Variants in EFR3A observed in about 807,000 individuals in gnomAD.
The protein encoded by EFR3A is protein EFR3 homolog A.
A neutral mutation model predicts 104.4 loss-of-function variants in EFR3A; 76 were observed. The observed-to-expected ratio is 0.73, with a 90% confidence interval of 0.60 to 0.88. EFR3A has a LOEUF of 0.88. EFR3A is among the 40% of genes least tolerant of loss of function. The pLI is 0.00. For synonymous variants in EFR3A, 330 were observed against 330.0 expected (o/e 1.00, Z 0.00); for missense variants, 985 against 1,012.5 (o/e 0.97, Z 0.37).
At chr8:131,904,421 G>A in intron 1 of EFR3A, 99 bp downstream of exon 1, 1 of 1,120,726 alleles carries the variant, frequency 8.9e-7, no homozygotes, top group South Asian at 4.3e-5. Flanking sequence ...AGGCTGGGCC[G>A]CGCTGAGCAG....
rs868354915 is a variant in EFR3A, at chr8:131,943,914, A to C, written c.88-831A>C. On this transcript the variant is annotated intron_variant, in intron 2 of 22. Transcript: ENST00000254624. ...GAGAGGAGAGAGGCACCAAAGTAGC[A>C]AGTTTGAGGAAAACGGAGTAGGTAC... 3.1e-4 allele frequency among the ~76,000 whole-genome samples: 47 copies of C among 152,208 alleles called. 1 individual carries two copies. Among genetic ancestry groups the C allele is most frequent in the African/African-American group, 1.1e-3 (47 of 41,556 alleles).
intron 1 of EFR3A, among the ~76,000 whole-genome samples, chr8:131,935,987 C>T (rs1375078805): frequency 6.6e-6 from 1 of 151,952 alleles, no homozygotes; most frequent in Non-Finnish European, 1.5e-5. Context: ...TCCCAGTATT[C>T]AGAATTCTCC....
chr8:131,997,940 A>G (rs148084864), intron 19 of EFR3A, among the ~76,000 whole-genome samples: 18 of 152,242 alleles, frequency 1.2e-4, no homozygotes, highest in African/African-American at 4.1e-4. Context: ...TGTAGGGGAA[A>G]GATTCTTGAC....
At chr8:131,953,758 C>A in intron 5 of EFR3A, 60 bp from the exon 6 acceptor site, 2 of 1,406,172 alleles carry the variant, frequency 1.4e-6, no homozygotes, top group East Asian at 2.5e-5. Context: ...GCTACGCAAA[C>A]AGTCTTGTTT....
At chr8:131,961,529 C>T (rs1277864432) in intron 8 of EFR3A, among the ~76,000 whole-genome samples, 2 of 152,090 alleles carry the variant, frequency 1.3e-5, no homozygotes, top group African/African-American at 4.8e-5. Context: ...TAAAAAGAAA[C>T]ACACAAAGCC....
chr8:131,935,507 T>C lies in EFR3A; in HGVS notation c.11-4992T>C, dbSNP rs758339280. ...AATCGTAGGCACTGTCATTTAAAAG[T>C]ATGAAATCTAGTGAGCCATACATAT... On this transcript the variant is annotated intron_variant, in intron 1 of 22. Coordinates refer to ENST00000254624, the MANE Select transcript of EFR3A (RefSeq NM_015137.6). 4.6e-4 allele frequency: 208 copies of C among 448,468 alleles called. 1 individual carries two copies. Among genetic ancestry groups the C allele is most frequent in the Admixed American group, 7.8e-4 (32 of 41,240 alleles). The allele number at this position is 448,468 out of a possible 1,614,324, so 27.8% of individuals were successfully genotyped here.
At chr8:131,920,035 A>G (rs1192925213) in intron 1 of EFR3A, among the ~76,000 whole-genome samples, 1 of 152,190 alleles carries the variant, frequency 6.6e-6, no homozygotes, top group African/African-American at 2.4e-5. Context: ...TTAGTTTTAC[A>G]AAATAAAAAG....
intron 1 of EFR3A, among the ~76,000 whole-genome samples, chr8:131,938,935 T>G (rs895778577): frequency 6.6e-6 from 1 of 152,158 alleles, no homozygotes; most frequent in Non-Finnish European, 1.5e-5. Flanking sequence ...ACACGTCATC[T>G]TCAGAAAATG....
At chr8:131,979,180 A>G (rs1482594014) in intron 13 of EFR3A, among the ~76,000 whole-genome samples, 161 bp downstream of exon 13, 1 of 152,180 alleles carries the variant, frequency 6.6e-6, no homozygotes, top group Non-Finnish European at 1.5e-5. Context: ...ATGTTTTAAG[A>G]TAACAAATTT....
At chr8:132,005,582 T>G (rs1821999241) in intron 22 of EFR3A, among the ~76,000 whole-genome samples, 2 of 151,960 alleles carry the variant, frequency 1.3e-5, no homozygotes, top group Admixed American at 1.3e-4. Context: ...TCAAAGAATT[T>G]AAAGGACAAG....
intron 19 of EFR3A, 39 bp from the exon 20 acceptor site, chr8:132,001,720 C>A (rs2130803822): frequency 1.3e-6 from 2 of 1,567,846 alleles, no homozygotes; most frequent in Non-Finnish European, 1.8e-6. Flanking sequence ...TTATATTGAC[C>A]CTTTTTAACT....
intron 1 of EFR3A, among the ~76,000 whole-genome samples, chr8:131,915,996 T>TG (rs1404774359): frequency 6.6e-6 from 1 of 152,168 alleles, no homozygotes; most frequent in Admixed American, 6.5e-5. Flanking sequence ...CTTGGTCTGA[T>TG]GGGGAAGAAA....
intron 1 of EFR3A, chr8:131,938,234 T>C (rs925402340): frequency 5.0e-6 from 2 of 397,966 alleles, no homozygotes; most frequent in Non-Finnish European, 8.9e-6. Context: ...CATGAAGGAC[T>C]ATGTTCAGGT....
chr8:131,959,138 A>T (rs115498542), intron 7 of EFR3A, among the ~76,000 whole-genome samples: 5,449 of 152,266 alleles, frequency 0.036, 188 homozygotes, highest in African/African-American at 0.092. Context: ...TGGTTTCGAT[A>T]TGGAAGGACA....
intron 1 of EFR3A, among the ~76,000 whole-genome samples, chr8:131,911,314 C>T (rs1816500661): frequency 3.3e-5 from 5 of 152,082 alleles, no homozygotes; most frequent in Admixed American, 3.3e-4. Flanking sequence ...TTCTTACCTT[C>T]TCTGTTAGCC....
At chr8:131,963,393 C>G (rs1281436535) in intron 8 of EFR3A, among the ~76,000 whole-genome samples, 1 of 152,078 alleles carries the variant, frequency 6.6e-6, no homozygotes, top group African/African-American at 2.4e-5. Flanking sequence ...GGGGATATCA[C>G]CACCGATCCC....
chr8:131,907,473 T>C (rs187469857), intron 1 of EFR3A, among the ~76,000 whole-genome samples: 118 of 152,340 alleles, frequency 7.7e-4, no homozygotes, highest in African/African-American at 2.8e-3. Flanking sequence ...TTTGAGTAAT[T>C]ATGTGTGTTG....
chr8:131,984,464 C>T (rs1456683784), intron 15 of EFR3A, among the ~76,000 whole-genome samples, 164 bp downstream of exon 15: 1 of 152,158 alleles, frequency 6.6e-6, no homozygotes, highest in African/African-American at 2.4e-5. Flanking sequence ...ATTCCTTTTA[C>T]ATATGTTGCA....
intron 10 of EFR3A, among the ~76,000 whole-genome samples, chr8:131,975,135 A>G (rs138494116): frequency 1.3e-5 from 2 of 152,340 alleles, no homozygotes; most frequent in African/African-American, 2.4e-5. Context: ...ACTAGACTGC[A>G]TAAGAAAAAT....
Sources: gnomAD v4.1 joint callset for allele counts (sites outside exome capture counted in the v4.1 genomes callset) on GRCh38, gnomAD v4.1.1 for gene constraint, MANE v1.5 for transcripts, NCBI Gene and HGNC (gene_info 2026-07-23, HGNC 2026-07-21) for gene names.